The following ADSS2 variants were observed in gnomAD, a reference collection of about 807,000 sequenced individuals.
ADSS2 encodes adenylosuccinate synthase 2.
ADSS2 carries 30 observed loss-of-function variants against 60.0 expected under a neutral mutation model. That is an observed-to-expected ratio of 0.50 (90% confidence interval 0.37 to 0.68). ADSS2 has a LOEUF of 0.68. Among genes scored for constraint, ADSS2 ranks in the 30% least tolerant of loss-of-function variants. ADSS2 has a pLI of 0.00. For missense variants in ADSS2, 373 were observed against 554.8 expected, an observed-to-expected ratio of 0.67 and a Z score of 3.29; for synonymous variants, 187 against 193.1, an observed-to-expected ratio of 0.97 and a Z score of 0.26.
At chr1:244,436,708 G>T in intron 3 of ADSS2, 117 bp downstream of exon 3, 1 of 771,640 alleles carries the variant, frequency 1.3e-6, no homozygotes, top group Non-Finnish European at 2.1e-6. Flanking sequence ...TTAAAAATTC[G>T]TCTATAATAG....
Position 244,420,281 on chromosome 1 carries a change from T to C in ADSS2, c.679A>G (p.Ile227Val). 6.2e-7 allele frequency: 1 copy of C among 1,613,014 alleles called. No homozygotes were observed. The highest frequency in any genetic ancestry group is 8.5e-7 in the Non-Finnish European group (1 of 1,179,472). The change falls in exon 8 of 13, where the codon ATT (isoleucine) becomes GTT (valine). Residue 227 changes from isoleucine to valine, a missense_variant. Ile to Val is a conservative substitution (Grantham distance 29). Around this residue, in one of 5 missense-constraint regions of ADSS2, gnomAD observed 139 missense variants for 189.4 expected, o/e 0.73. Coordinates refer to ENST00000366535, the MANE Select transcript of ADSS2 (RefSeq NM_001126.5). ...ACTCCATCTCTCACCATTGGTTTAA[T>C]CTTTTCCATATAACCCTATACACAA... ...LQKLKGYMEK[I>V]KPMVRDGVYF...
chr1:244,441,738 C>T (rs1037285280), intron 1 of ADSS2, among the ~76,000 whole-genome samples: 2 of 152,044 alleles, frequency 1.3e-5, no homozygotes, highest in Non-Finnish European at 2.9e-5. Flanking sequence ...GGGTAGGTCA[C>T]AAGGTCAGGA....
At chr1:244,413,067 G>A (rs1373748160) in intron 11 of ADSS2, among the ~76,000 whole-genome samples, 1 of 152,156 alleles carries the variant, frequency 6.6e-6, no homozygotes, top group Non-Finnish European at 1.5e-5. Flanking sequence ...AGATCTGCAG[G>A]AACAAGACAA....
At position 244,416,043 on chromosome 1, in the gene ADSS2, A is replaced by AAC; in HGVS notation, c.1104_1105dup (p.Phe369CysfsTer13). 6.2e-7 allele frequency: 1 copy of AAC among 1,613,894 alleles called. No homozygotes were observed. Among genetic ancestry groups the AAC allele is most frequent in the South Asian group, 1.1e-5 (1 of 91,058 alleles). ...AGCAACTCCAACTTTGATTTCCGTA[A>AAC]ACATGTCCAAAATATCCAACTTGGT... On this transcript the variant is annotated frameshift_variant, in exon 11 of 13. Transcript: ENST00000366535. LOFTEE classifies it high-confidence loss of function.
At chr1:244,443,842 G>A (rs1009371139) in intron 1 of ADSS2, among the ~76,000 whole-genome samples, 1 of 152,180 alleles carries the variant, frequency 6.6e-6, no homozygotes, top group Non-Finnish European at 1.5e-5. Flanking sequence ...CAGAGTGGCG[G>A]AGCGGCTCTC....
chr1:244,409,424 A>T lies in ADSS2; in HGVS notation c.*162T>A. 2.0e-6 allele frequency: 1 copy of T among 505,704 alleles called. No individual in the cohort carries two copies. Among genetic ancestry groups the T allele is most frequent in the Non-Finnish European group, 3.5e-6 (1 of 286,304 alleles). 31.3% of individuals were successfully genotyped at this position (505,704 alleles called of 1,614,324 possible). A position where few individuals can be genotyped will look rare whatever the true frequency, so the allele number is the denominator to read the frequency against. On this transcript the variant is annotated 3_prime_UTR_variant, in exon 13 of 13. Transcript: ENST00000366535. ...GCTGACACTGGAATATGCCAAAGTT[A>T]ATCTCCACAGTAGGCATCCATCTGA...
chr1:244,417,147 A>G (rs1664552543), intron 10 of ADSS2, among the ~76,000 whole-genome samples: 2 of 152,180 alleles, frequency 1.3e-5, no homozygotes, highest in African/African-American at 4.8e-5. Flanking sequence ...AAATACCCCT[A>G]TGAAGTAGGT....
chr1:244,447,451 C>T (rs1026605004), intron 1 of ADSS2, among the ~76,000 whole-genome samples: 1 of 152,000 alleles, frequency 6.6e-6, no homozygotes, highest in African/African-American at 2.4e-5. Flanking sequence ...ACTCATGCCT[C>T]AAAAGTAGAG....
Position 244,422,916 on chromosome 1 carries a change from C to T in ADSS2, c.582G>A (p.Arg194=), listed in dbSNP as rs1350739258. 2 of 1,552,964 alleles carry T rather than the reference C, an allele frequency of 1.3e-6. No individual in the cohort carries two copies. Among genetic ancestry groups the T allele is most frequent in the East Asian group, 2.3e-5 (1 of 44,422 alleles). ...TGTATTGGTTAGCTAGAACTTTAAA[C>T]CTGAGAAACACAGATAAATCAAGAC... ...LVSDFDGFSE[R]FKVLANQYKS... is the part of the protein sequence containing the mutation. The change falls in exon 7 of 13, where the codon AGG becomes AGA. Residue 194 remains arginine (R), a splice_region_variant and synonymous_variant. Transcript: ENST00000366535.
chr1:244,440,164 T>C (rs927018638), intron 1 of ADSS2, among the ~76,000 whole-genome samples: 6 of 152,186 alleles, frequency 3.9e-5, no homozygotes, highest in East Asian at 1.9e-4. Flanking sequence ...TTTGTGTGGA[T>C]AGTTATTAAA....
chr1:244,438,749 CTATT>C (rs1665162215), intron 1 of ADSS2, among the ~76,000 whole-genome samples: 3 of 152,006 alleles, frequency 2.0e-5, no homozygotes, highest in Admixed American at 6.6e-5. Context: ...GATCGTGAGG[CTATT>C]TTTTTCATTT....
intron 7 of ADSS2, among the ~76,000 whole-genome samples, chr1:244,422,442 T>C (rs543845063): frequency 6.6e-6 from 1 of 152,242 alleles, no homozygotes; most frequent in Non-Finnish European, 1.5e-5. Context: ...CCTTCCTAAA[T>C]GGGTTGGTTA....
intron 3 of ADSS2, among the ~76,000 whole-genome samples, chr1:244,434,546 A>C (rs1665036626): frequency 6.6e-6 from 1 of 152,226 alleles, no homozygotes; most frequent in Non-Finnish European, 1.5e-5. Flanking sequence ...CCTCCTCGGT[A>C]ATGTGCTAAA....
intron 9 of ADSS2, 114 bp downstream of exon 9, chr1:244,418,646 G>A: frequency 5.4e-6 from 6 of 1,119,160 alleles, no homozygotes; most frequent in Non-Finnish European, 6.2e-6. Flanking sequence ...AGAAAATGTT[G>A]TTCTGACCAA....
At chr1:244,416,106 A>C (rs1056400137) in intron 10 of ADSS2, 28 bp from the exon 11 acceptor site, 1 of 1,498,864 alleles carries the variant, frequency 6.7e-7, no homozygotes, top group Admixed American at 1.7e-5. Context: ...GGCAATGTTA[A>C]AAGAGCAGAC....
At chr1:244,428,713 A>T (rs1295221167) in intron 4 of ADSS2, among the ~76,000 whole-genome samples, 1 of 152,126 alleles carries the variant, frequency 6.6e-6, no homozygotes, top group African/African-American at 2.4e-5. Context: ...CCACAAAATC[A>T]ATAAAATGGA....
In ADSS2 at chr1:244,420,295, C is replaced by T. The variant is rs750462737; in HGVS notation, c.665G>A (p.Gly222Asp). The change falls in exon 8 of 13, where the codon GGT (glycine) becomes GAT (aspartate). Residue 222 changes from glycine (G) to aspartate (D), a missense_variant and splice_region_variant. Around this residue, in one of 5 missense-constraint regions of ADSS2, gnomAD observed 139 missense variants for 189.4 expected, o/e 0.73. Transcript: ENST00000366535. The stretch of plus-strand genomic sequence containing the variant: ...CATTGGTTTAATCTTTTCCATATAA[C>T]CCTATACACAAAGACAAAAACCAAT... ...DIEGELQKLK[G>D]YMEKIKPMVR... is the part of the protein sequence containing the mutation. 1 of 1,602,260 alleles carries T rather than the reference C, an allele frequency of 6.2e-7. No individual in the cohort carries two copies. Among genetic ancestry groups the T allele is most frequent in the South Asian group, 1.1e-5 (1 of 89,984 alleles).
chr1:244,450,272 G>A (rs1482650286), intron 1 of ADSS2, among the ~76,000 whole-genome samples: 2 of 152,220 alleles, frequency 1.3e-5, no homozygotes, highest in Non-Finnish European at 2.9e-5. Flanking sequence ...AGATTGCTAA[G>A]GTACAAAGTG....
In ADSS2 at chr1:244,450,573, T is replaced by C. The variant is rs545746899; in HGVS notation, c.183+1062A>G. 2.6e-5 allele frequency among the ~76,000 whole-genome samples: 4 copies of C among 152,360 alleles called. No homozygotes were observed. In the South Asian group the frequency reaches 6.2e-4, roughly 24 times the overall value. ...AGCATGGCACCATCATATCATGCCATGCATGTTCAAAAACAAATATTCTTG... is the reference window on the plus strand; with the variant it reads ...AGCATGGCACCATCATATCATGCCACGCATGTTCAAAAACAAATATTCTTG... On this transcript the variant is annotated intron_variant, in intron 1 of 12. Coordinates refer to ENST00000366535, the MANE Select transcript of ADSS2 (RefSeq NM_001126.5).
Sources: gnomAD v4.1 joint callset for allele counts (sites outside exome capture counted in the v4.1 genomes callset) on GRCh38, gnomAD v4.1.1 for gene constraint, gnomAD v4.1.1 regional missense constraint, MANE v1.5 for transcripts, NCBI Gene and HGNC (gene_info 2026-07-23, HGNC 2026-07-21) for gene names.